Variants in IL1RAP observed in about 807,000 individuals in gnomAD.
IL1RAP encodes the protein interleukin 1 receptor accessory protein.
IL1RAP carries 35 observed loss-of-function variants against 60.7 expected under a neutral mutation model. The ratio of observed to expected loss-of-function variants is 0.58; its 90% CI spans 0.44 to 0.76. The LOEUF (loss-of-function observed/expected upper bound fraction) is 0.76. Among genes scored for constraint, IL1RAP ranks in the 30% least tolerant of loss-of-function variants. The pLI is 0.00. For synonymous variants in IL1RAP, 268 were observed against 250.9 expected (o/e 1.07, Z -0.64); for missense variants, 572 against 693.9 (o/e 0.82, Z 1.97).
At chr3:190,547,521 G>A (rs1724482061) in intron 1 of IL1RAP, among the ~76,000 whole-genome samples, 2 of 152,170 alleles carry the variant, frequency 1.3e-5, no homozygotes, top group Non-Finnish European at 2.9e-5. Context: ...TTTCTTTAGG[G>A]CTTACTTTTT....
chr3:190,563,036 G>A (rs971698102), intron 2 of IL1RAP, among the ~76,000 whole-genome samples: 1 of 152,116 alleles, frequency 6.6e-6, no homozygotes, highest in African/African-American at 2.4e-5. Context: ...GACGGGAGTT[G>A]GAAACTTGCA....
At chr3:190,537,300 A>C (rs1201228692) in intron 1 of IL1RAP, among the ~76,000 whole-genome samples, 1 of 152,102 alleles carries the variant, frequency 6.6e-6, no homozygotes, top group Non-Finnish European at 1.5e-5. Flanking sequence ...TTTCCTAGGC[A>C]TCCCATGAGT....
At chr3:190,557,554 C>G (rs1725529439) in intron 2 of IL1RAP, among the ~76,000 whole-genome samples, 1 of 152,150 alleles carries the variant, frequency 6.6e-6, no homozygotes, top group Non-Finnish European at 1.5e-5. Context: ...TAAAGGTTAG[C>G]AGTACTGGCT....
chr3:190,524,506 G>A (rs1053612110), intron 1 of IL1RAP, among the ~76,000 whole-genome samples: 13 of 152,048 alleles, frequency 8.5e-5, no homozygotes, highest in South Asian at 2.1e-4. Flanking sequence ...TAATTTTTAC[G>A]TATGATGTAA....
rs576165015 is a variant in IL1RAP at position 190,562,485 on chromosome 3, G to C, written c.-1-1804G>C. Among the ~76,000 whole-genome samples, 43 of 152,076 alleles carry C rather than the reference G, an allele frequency of 2.8e-4. No homozygotes were observed. In the South Asian group the frequency reaches 2.9e-3, roughly 10 times the overall value. On this transcript the variant is annotated intron_variant, in intron 2 of 11. Coordinates refer to ENST00000447382, the MANE Select transcript of IL1RAP (RefSeq NM_002182.4). ...TCTCTAGATGTGTGTTCTATACATA[G>C]TTGATGATACTAAAGTGTCTTGCTG...
At chr3:190,569,566 C>T (rs1046984547) in intron 3 of IL1RAP, among the ~76,000 whole-genome samples, 8 of 149,416 alleles carry the variant, frequency 5.4e-5, no homozygotes, top group East Asian at 4.0e-4. Context: ...TGATGCCTCT[C>T]GGAAGCAGAT....
In IL1RAP at chr3:190,589,130, T is replaced by C. The variant is rs1040605228; in HGVS notation, c.65-14998T>C. 7.2e-5 allele frequency among the ~76,000 whole-genome samples: 11 copies of C among 152,312 alleles called. No homozygotes were observed. In the South Asian group the frequency reaches 2.3e-3, roughly 32 times the overall value. On this transcript the variant is annotated intron_variant, in intron 3 of 11. Coordinates refer to ENST00000447382, the MANE Select transcript of IL1RAP (RefSeq NM_002182.4). ...TCTAACATGCAGTGGTTTTCTAAGA[T>C]GCACGGTGGATTATAGGGGACTTCA... is the stretch of plus-strand genomic sequence containing the variant.
At chr3:190,537,120 A>C (rs965897688) in intron 1 of IL1RAP, among the ~76,000 whole-genome samples, 1 of 152,200 alleles carries the variant, frequency 6.6e-6, no homozygotes, top group Non-Finnish European at 1.5e-5. Flanking sequence ...AAGAGCGATA[A>C]TGTGATATTT....
intron 1 of IL1RAP, among the ~76,000 whole-genome samples, chr3:190,514,563 C>T (rs1423366796): frequency 1.3e-5 from 2 of 150,440 alleles, no homozygotes; most frequent in Admixed American, 6.6e-5. Flanking sequence ...CCCATCTCCT[C>T]CTTGGTTTCT....
intron 3 of IL1RAP, among the ~76,000 whole-genome samples, chr3:190,579,294 A>G (rs1559018): frequency 0.35 from 53,077 of 152,020 alleles, 9,541 homozygotes; most frequent in East Asian, 0.51. Context: ...TGTGCTAGAT[A>G]CAGTTCACAT....
intron 1 of IL1RAP, among the ~76,000 whole-genome samples, chr3:190,532,684 C>T (rs981565139): frequency 5.3e-5 from 8 of 152,130 alleles, no homozygotes; most frequent in Non-Finnish European, 8.8e-5. Flanking sequence ...GATGAAACCC[C>T]GTGCTTTGCC....
At chr3:190,656,678 C>T (rs1734631363) in exon 12 of IL1RAP, 4 of 907,498 alleles carry the variant, frequency 4.4e-6, no homozygotes. Context: ...GTGGGAAAAT[C>T]TGACATTTTT....
intron 1 of IL1RAP, among the ~76,000 whole-genome samples, chr3:190,516,009 C>T (rs1721479870): frequency 6.6e-6 from 1 of 152,138 alleles, no homozygotes; most frequent in Non-Finnish European, 1.5e-5. Flanking sequence ...CTTAACCCTT[C>T]TCATGACAAT....
intron 3 of IL1RAP, among the ~76,000 whole-genome samples, chr3:190,590,375 C>A (rs1486423134): frequency 6.6e-6 from 1 of 151,912 alleles, no homozygotes; most frequent in Non-Finnish European, 1.5e-5. Flanking sequence ...CCTGCCTCAC[C>A]CTCCCAAGTA....
At chr3:190,625,575 T>C (rs1732183462) in intron 7 of IL1RAP, among the ~76,000 whole-genome samples, 1 of 152,164 alleles carries the variant, frequency 6.6e-6, no homozygotes, top group African/African-American at 2.4e-5. Context: ...TATGAATAAA[T>C]TTATAGCAAC....
downstream of IL1RAP, among the ~76,000 whole-genome samples, chr3:190,655,686 A>G (rs1234431310): frequency 6.6e-6 from 1 of 151,966 alleles, no homozygotes. Flanking sequence ...CTCAACTACC[A>G]TACCATCCTT....
rs1380042913 is a variant in IL1RAP at position 190,649,925 on chromosome 3, A to G, written c.*1220A>G. On this transcript the variant is annotated 3_prime_UTR_variant, in exon 12 of 12. Transcript: ENST00000447382. Reference sequence around the variant, plus strand: ...ACAGAGTGGTAAATATCTATGTTACATGTAGATTATACATATATATACACA... The same window carrying G: ...ACAGAGTGGTAAATATCTATGTTACGTGTAGATTATACATATATATACACA... 5 of 935,348 alleles carry G rather than the reference A, an allele frequency of 5.3e-6. No homozygotes were observed. Among genetic ancestry groups the G allele is most frequent in the South Asian group, 5.0e-5 (1 of 20,196 alleles). 57.9% of individuals were successfully genotyped at this position (935,348 alleles called of 1,614,324 possible).
chr3:190,534,165 G>A (rs1723228499), intron 1 of IL1RAP, among the ~76,000 whole-genome samples: 1 of 152,082 alleles, frequency 6.6e-6, no homozygotes. Flanking sequence ...ACAAAAACTG[G>A]CAGTGGGTCC....
At chr3:190,565,725 G>A (rs538514693) in intron 3 of IL1RAP, among the ~76,000 whole-genome samples, 52 of 152,126 alleles carry the variant, frequency 3.4e-4, no homozygotes, top group African/African-American at 1.1e-3. Context: ...GTTAGGTGTC[G>A]CGTTTGATAG....
Sources: gnomAD v4.1 joint callset for allele counts (sites outside exome capture counted in the v4.1 genomes callset) on GRCh38, gnomAD v4.1.1 for gene constraint, MANE v1.5 for transcripts, NCBI Gene and HGNC (gene_info 2026-07-23, HGNC 2026-07-21) for gene names.